The following RYK variants were observed in gnomAD, a reference collection of about 807,000 sequenced individuals.
The protein encoded by RYK is inactive tyrosine-protein kinase RYK.
Under a neutral mutation model 70.2 loss-of-function variants are expected in RYK, and 21 were observed. The ratio of observed to expected loss-of-function variants is 0.30; its 90% CI spans 0.21 to 0.43. The LOEUF (loss-of-function observed/expected upper bound fraction) is 0.43. Ranked by LOEUF, RYK falls within the 20% of genes least tolerant of loss-of-function variation. The pLI, the probability that RYK is intolerant of heterozygous loss-of-function variation, is 1.00. For synonymous variants in RYK, 267 were observed against 278.0 expected (o/e 0.96, Z 0.39); for missense variants, 604 against 753.3 (o/e 0.80, Z 2.32).
intron 1 of RYK, among the ~76,000 whole-genome samples, chr3:134,248,729 C>T (rs1271688214): frequency 6.6e-6 from 1 of 151,934 alleles, no homozygotes; most frequent in African/African-American, 2.4e-5. Flanking sequence ...ACCCAGGAAG[C>T]AGAGATTGCA....
intron 1 of RYK, among the ~76,000 whole-genome samples, chr3:134,244,432 G>C (rs1435161643): frequency 6.6e-6 from 1 of 152,194 alleles, no homozygotes; most frequent in East Asian, 1.9e-4. Flanking sequence ...CTCCTCCAGA[G>C]CTGATAAAGA....
chr3:134,204,445 G>A (rs2014137542), intron 5 of RYK, among the ~76,000 whole-genome samples: 1 of 152,024 alleles, frequency 6.6e-6, no homozygotes, highest in Non-Finnish European at 1.5e-5. Context: ...GTTGCAGTGA[G>A]CCAAAATCAC....
chr3:134,207,437 C>T, intron 5 of RYK, 35 bp downstream of exon 5: 1 of 1,385,250 alleles, frequency 7.2e-7, no homozygotes, highest in Non-Finnish European at 9.8e-7. Context: ...TTTTTCATTT[C>T]TAATAATGGA....
chr3:134,235,189 T>C (rs2015169257), intron 1 of RYK, among the ~76,000 whole-genome samples: 1 of 152,112 alleles, frequency 6.6e-6, no homozygotes, highest in African/African-American at 2.4e-5. Context: ...CTCAAAGAGT[T>C]ACCTATATTC....
chr3:134,243,040 C>A (rs953348138), intron 1 of RYK, among the ~76,000 whole-genome samples: 38 of 152,218 alleles, frequency 2.5e-4, no homozygotes, highest in African/African-American at 9.2e-4. Context: ...ATGCCAGACT[C>A]ATGGGCAGAG....
At chr3:134,229,336 C>T (rs567669750) in intron 1 of RYK, among the ~76,000 whole-genome samples, 20 of 146,202 alleles carry the variant, frequency 1.4e-4, no homozygotes, top group African/African-American at 4.8e-4. Context: ...CCCCCAACCC[C>T]TTCTGTCTCT....
intron 6 of RYK, chr3:134,202,410 T>C (rs1383210239): frequency 6.6e-5 from 16 of 243,222 alleles, no homozygotes; most frequent in Non-Finnish European, 7.8e-6. Flanking sequence ...GAAGGCAAGA[T>C]CTAGAAGGAA....
chr3:134,239,832 G>A (rs1253358222), intron 1 of RYK, among the ~76,000 whole-genome samples: 1 of 152,200 alleles, frequency 6.6e-6, no homozygotes, highest in African/African-American at 2.4e-5. Context: ...GCACAGAGAG[G>A]CACTGGGGAT....
chr3:134,191,749 A>T, intron 8 of RYK, 100 bp downstream of exon 8: 1 of 916,726 alleles, frequency 1.1e-6, no homozygotes, highest in Non-Finnish European at 1.6e-6. Flanking sequence ...TCCTTATCTT[A>T]GACACAAAAT....
At chr3:134,236,498 T>A (rs977735121) in intron 1 of RYK, among the ~76,000 whole-genome samples, 1 of 152,188 alleles carries the variant, frequency 6.6e-6, no homozygotes, top group Non-Finnish European at 1.5e-5. Context: ...ATAACAATAC[T>A]ACCCAAGTGA....
Position 134,183,056 on chromosome 3 carries a change from A to T in RYK, c.1118T>A (p.Ile373Asn), listed in dbSNP as rs963069518. ...TTCAGTGAGCATCATTGTCACCTGAATTTCAGAAGCTTGATCTATATATAA... is the reference window on the plus strand; with the variant it reads ...TTCAGTGAGCATCATTGTCACCTGATTTTCAGAAGCTTGATCTATATATAA... ...VKTVKDQASE[I>N]QVTMMLTESC... Residue 373 changes from isoleucine to asparagine, a missense_variant, in exon 10 of 15, where the codon ATT (isoleucine) becomes AAT (asparagine). Physicochemically the swap from Ile to Asn is moderately radical, Grantham distance 149. Transcript: ENST00000623711. 3 of 1,585,446 alleles carry T rather than the reference A, an allele frequency of 1.9e-6. No individual in the cohort carries two copies.
intron 9 of RYK, among the ~76,000 whole-genome samples, chr3:134,188,007 T>C (rs998989348): frequency 2.0e-5 from 3 of 152,062 alleles, no homozygotes; most frequent in African/African-American, 7.2e-5. Context: ...ATAGGGAATC[T>C]TTAATTAAAT....
chr3:134,175,343 TA>T (rs75907041), intron 13 of RYK, among the ~76,000 whole-genome samples: 15,346 of 128,852 alleles, frequency 0.12, 1,292 homozygotes, highest in South Asian at 0.34. Flanking sequence ...AACTCTGTCT[TA>T]AAAAAAAAAA....
At chr3:134,178,259 G>A (rs563958702) in intron 10 of RYK, 186 bp from the exon 11 acceptor site, 46 of 487,176 alleles carry the variant, frequency 9.4e-5, no homozygotes, top group Admixed American at 2.8e-4. Flanking sequence ...CTATATATGT[G>A]CATATATCCC....
At chr3:134,234,354 T>C (rs192547670) in intron 1 of RYK, among the ~76,000 whole-genome samples, 15 of 152,234 alleles carry the variant, frequency 9.9e-5, no homozygotes, top group African/African-American at 3.1e-4. Flanking sequence ...ATTAAAACAC[T>C]TTCCTCCAAC....
At chr3:134,230,055 CAT>C (rs1226047109) in intron 1 of RYK, among the ~76,000 whole-genome samples, 4 of 152,142 alleles carry the variant, frequency 2.6e-5, no homozygotes, top group African/African-American at 9.7e-5. Context: ...GAAAAGAAAA[CAT>C]ATGTCCACAA....
At chr3:134,220,541 T>C (rs2014702068) in intron 2 of RYK, among the ~76,000 whole-genome samples, 1 of 152,206 alleles carries the variant, frequency 6.6e-6, no homozygotes, top group Admixed American at 6.5e-5. Context: ...TTTCAAAGTT[T>C]TAAAGACACA....
At chr3:134,200,320 G>A (rs150596581) in intron 6 of RYK, among the ~76,000 whole-genome samples, 143 of 152,092 alleles carry the variant, frequency 9.4e-4, no homozygotes, top group African/African-American at 3.2e-3. Flanking sequence ...GAACCACTCC[G>A]GATGCACCAC....
At chr3:134,246,687 G>A (rs1330185265) in intron 1 of RYK, among the ~76,000 whole-genome samples, 1 of 152,136 alleles carries the variant, frequency 6.6e-6, no homozygotes, top group Non-Finnish European at 1.5e-5. Context: ...CATCTATAAA[G>A]TATGAGGACA....
Sources: allele counts gnomAD v4.1 joint callset (sites outside exome capture counted in the v4.1 genomes callset), GRCh38; gene constraint gnomAD v4.1.1; transcripts MANE v1.5; gene names NCBI Gene and HGNC (gene_info 2026-07-23, HGNC 2026-07-21).